Variants in BIRC6 observed in about 807,000 individuals in gnomAD.
BIRC6 encodes the protein baculoviral IAP repeat containing 6, also known as dual E2 ubiquitin-conjugating enzyme/E3 ubiquitin-protein ligase BIRC6.
Under a neutral mutation model 503.3 loss-of-function variants are expected in BIRC6, and 98 were observed. The ratio of observed to expected loss-of-function variants is 0.19; its 90% confidence interval spans 0.17 to 0.23. BIRC6 has a LOEUF of 0.23. BIRC6 is among the 10% of genes least tolerant of loss of function. The pLI, the probability that BIRC6 is intolerant of heterozygous loss-of-function variation, is 1.00. For missense variants in BIRC6, 5,360 were observed against 5,806.0 expected (o/e 0.92, Z 2.50); for synonymous variants, 2,240 against 2,078.7 (o/e 1.08, Z -2.11).
chr2:32,440,746 A>G (rs1380701888), intron 16 of BIRC6, among the ~76,000 whole-genome samples: 8 of 133,672 alleles, frequency 6.0e-5, no homozygotes, highest in Non-Finnish European at 1.3e-4. Flanking sequence ...TATTGTGTTT[A>G]TTTATTTATT....
Position 32,401,248 on chromosome 2 carries a change from A to T in BIRC6, c.1120A>T (p.Thr374Ser). 6.2e-7 allele frequency: 1 copy of T among 1,614,040 alleles called. No homozygotes were observed. Among genetic ancestry groups the T allele is most frequent in the Non-Finnish European group, 8.5e-7 (1 of 1,179,900 alleles). Residue 374 changes from threonine to serine, a missense_variant, in exon 7 of 74, where the codon ACA becomes TCA. This residue lies in a region of BIRC6 where 92 missense variants were observed against 176.7 expected (regional missense o/e 0.52). Transcript: ENST00000421745. Reference protein sequence around the residue: ...QNVPLSVTLATSPAQFPCTDG... With the variant: ...QNVPLSVTLASSPAQFPCTDG... Reference sequence around the variant, plus strand: ...TGTGCCATTGTCAGTCACTCTTGCAACAAGTCCTGCACAGTTTCCTTGTAC... The same window carrying T: ...TGTGCCATTGTCAGTCACTCTTGCATCAAGTCCTGCACAGTTTCCTTGTAC...
chr2:32,442,534 AT>A, intron 19 of BIRC6, 79 bp downstream of exon 19: 1 of 1,377,460 alleles, frequency 7.3e-7, no homozygotes, highest in Non-Finnish European at 9.7e-7. Flanking sequence ...TTATAGTGTG[AT>A]TTGATCCTTG....
At chr2:32,500,862 C>G (rs1447496426) in intron 46 of BIRC6, among the ~76,000 whole-genome samples, 2 of 151,916 alleles carry the variant, frequency 1.3e-5, no homozygotes, top group African/African-American at 4.8e-5. Context: ...ACCTCAGCCT[C>G]CGAAAGTGCT....
chr2:32,505,165 T>G lies in BIRC6; in HGVS notation c.9660T>G (p.Leu3220=). Residue 3220 remains leucine (L), a synonymous_variant, in exon 50 of 74, where the codon CTT becomes CTG. Coordinates refer to ENST00000421745, the MANE Select transcript of BIRC6 (RefSeq NM_016252.4). ...TTCACCTTCCTGCAGCAGTGCTGCTTAAGGAGATACATATCCAGCCTCATC... is the reference window on the plus strand; with the variant it reads ...TTCACCTTCCTGCAGCAGTGCTGCTGAAGGAGATACATATCCAGCCTCATC... ...LTIHLPAAVL[L]KEIHIQPHLA... 1 of 1,589,378 alleles carries G rather than the reference T, an allele frequency of 6.3e-7. No homozygotes were observed. The highest frequency in any genetic ancestry group is 8.6e-7 in the Non-Finnish European group (1 of 1,166,944).
At chr2:32,615,446 ATT>A (rs2063169286) in intron 73 of BIRC6, among the ~76,000 whole-genome samples, 1 of 152,098 alleles carries the variant, frequency 6.6e-6, no homozygotes, top group Non-Finnish European at 1.5e-5. Flanking sequence ...GTTTTTTCCT[ATT>A]TATGTGTCTT....
At chr2:32,507,669 T>A (rs2053949991) in intron 50 of BIRC6, among the ~76,000 whole-genome samples, 1 of 152,218 alleles carries the variant, frequency 6.6e-6, no homozygotes, top group South Asian at 2.1e-4. Context: ...AATTACCTAT[T>A]TGGCTGGTTT....
chr2:32,502,356 G>T (rs2149478908), intron 47 of BIRC6, among the ~76,000 whole-genome samples: 1 of 152,142 alleles, frequency 6.6e-6, no homozygotes, highest in Middle Eastern at 3.4e-3. Flanking sequence ...AAATGAAATT[G>T]TAGGAACCAG....
chr2:32,487,310 C>G (rs533568256), intron 40 of BIRC6, among the ~76,000 whole-genome samples: 1 of 152,246 alleles, frequency 6.6e-6, no homozygotes, highest in African/African-American at 2.4e-5. Flanking sequence ...ACTACCTTAT[C>G]AATAATTAGT....
At chr2:32,474,839 A>AT (rs1490216940) in intron 33 of BIRC6, among the ~76,000 whole-genome samples, 1 of 152,222 alleles carries the variant, frequency 6.6e-6, no homozygotes, top group Non-Finnish European at 1.5e-5. Flanking sequence ...TTATGTGTAC[A>AT]TGCTAGTTTT....
chr2:32,518,727 A>G, intron 56 of BIRC6, 90 bp from the exon 57 acceptor site: 3 of 1,397,688 alleles, frequency 2.1e-6, no homozygotes, highest in South Asian at 1.3e-5. Flanking sequence ...TTTATTGAGT[A>G]TTTTATTCTT....
At chr2:32,489,600 G>A (rs1187115804) in intron 42 of BIRC6, among the ~76,000 whole-genome samples, 1 of 152,036 alleles carries the variant, frequency 6.6e-6, no homozygotes, top group Admixed American at 6.6e-5. Context: ...TCCCTTGAGG[G>A]CAGGAATTTT....
intron 16 of BIRC6, among the ~76,000 whole-genome samples, chr2:32,440,751 T>TTTTTTTTTTTTATTATTATTATTATTA (rs773312894): frequency 6.8e-6 from 1 of 147,150 alleles, no homozygotes; most frequent in African/African-American, 2.5e-5. Flanking sequence ...TGTTTATTTA[T>TTTTTTTTTTTTATTATTATTATTATTA]TTATTATTAT....
intron 73 of BIRC6, among the ~76,000 whole-genome samples, chr2:32,614,093 T>C (rs2063075390): frequency 6.6e-6 from 1 of 152,228 alleles, no homozygotes; most frequent in Non-Finnish European, 1.5e-5. Context: ...TCTATTTACT[T>C]AATTTTACTT....
Position 32,401,487 on chromosome 2 carries a change from G to T in BIRC6, c.1282G>T (p.Ala428Ser). Reference sequence around the variant, plus strand: ...GGTGCACTTAAAGTTTGAAATTAATGCCTATGATCCAGCAATTGTACAACA... The same window carrying T: ...GGTGCACTTAAAGTTTGAAATTAATTCCTATGATCCAGCAATTGTACAACA... ...MKVHLKFEIN[A>S]YDPAIVQQLI... The change falls in exon 8 of 74, where the codon GCC becomes TCC. Residue 428 changes from alanine to serine, a missense_variant. By Grantham distance (99) the Ala-to-Ser change is moderately conservative. Coordinates refer to ENST00000421745, the MANE Select transcript of BIRC6 (RefSeq NM_016252.4). 1.9e-6 allele frequency: 3 copies of T among 1,613,904 alleles called. No individual in the cohort carries two copies. The highest frequency in any genetic ancestry group is 1.7e-6 in the Non-Finnish European group (2 of 1,179,874).
Position 32,515,915 on chromosome 2 carries a change from C to A in BIRC6, c.11349+145C>A, listed in dbSNP as rs1429856029. ...GCTATAAAGTACTGATATCTCCTTTCTCCCCCTCAAAATATGCTGTCACTG... is the reference window on the plus strand; with the variant it reads ...GCTATAAAGTACTGATATCTCCTTTATCCCCCTCAAAATATGCTGTCACTG... On this transcript the variant is annotated intron_variant, in intron 55 of 73. Coordinates refer to ENST00000421745, the MANE Select transcript of BIRC6 (RefSeq NM_016252.4). The A allele has an allele frequency of 6.7e-6, 5 of 741,666 alleles. No individual in the cohort carries two copies. The East Asian group carries it at 1.1e-4, about 16-fold the overall frequency. 45.9% of individuals were successfully genotyped at this position (741,666 alleles called of 1,614,324 possible).
chr2:32,424,359 A>C (rs896364655), intron 10 of BIRC6, among the ~76,000 whole-genome samples: 1 of 152,076 alleles, frequency 6.6e-6, no homozygotes, highest in African/African-American at 2.4e-5. Flanking sequence ...AGGGGTGACT[A>C]TTGTAACTCA....
At chr2:32,501,961 A>C (rs1029031734) in intron 47 of BIRC6, 73 bp downstream of exon 47, 1 of 1,339,662 alleles carries the variant, frequency 7.5e-7, no homozygotes, top group African/African-American at 1.5e-5. Flanking sequence ...ATTACAGGAC[A>C]AAGATAAATA....
At chr2:32,404,337 T>A (rs2040948819) in intron 8 of BIRC6, among the ~76,000 whole-genome samples, 2 of 152,042 alleles carry the variant, frequency 1.3e-5, no homozygotes, top group Non-Finnish European at 2.9e-5. Flanking sequence ...TCTTTTTTTT[T>A]GAGAGAGTCT....
At chr2:32,409,760 T>C (rs1054477081) in intron 9 of BIRC6, among the ~76,000 whole-genome samples, 1 of 152,076 alleles carries the variant, frequency 6.6e-6, no homozygotes. Flanking sequence ...TAGAGAAGGG[T>C]TTTTAAAATG....
Sources: gnomAD v4.1 joint callset for allele counts (sites outside exome capture counted in the v4.1 genomes callset) on GRCh38, gnomAD v4.1.1 for gene constraint, gnomAD v4.1.1 regional missense constraint, MANE v1.5 for transcripts, NCBI Gene and HGNC (gene_info 2026-07-23, HGNC 2026-07-21) for gene names.